The following ARHGEF33 variants were observed in gnomAD, a reference collection of about 807,000 sequenced individuals.
ARHGEF33 encodes Rho guanine nucleotide exchange factor 33.
Under a neutral mutation model 101.9 loss-of-function variants are expected in ARHGEF33, and 72 were observed. The observed-to-expected ratio is 0.71, with a 90% CI of 0.58 to 0.86. The LOEUF is 0.86. Ranked by LOEUF, ARHGEF33 falls within the 40% of genes least tolerant of loss-of-function variation. The probability of loss-of-function intolerance (pLI) is 0.00; values close to 1 mark genes in which losing one functional copy is unlikely to be tolerated. For synonymous variants in ARHGEF33, 499 were observed against 442.5 expected, an observed-to-expected ratio of 1.13 and a Z score of -1.60; for missense variants, 1,169 against 1,111.3, an observed-to-expected ratio of 1.05 and a Z score of -0.74.
intron 10 of ARHGEF33, among the ~76,000 whole-genome samples, chr2:38,947,663 T>G (rs1199017351): frequency 6.6e-6 from 1 of 152,184 alleles, no homozygotes; most frequent in Non-Finnish European, 1.5e-5. Context: ...GTTCTGGGCT[T>G]TTTGGCTCTG....
rs552203261 is a variant in ARHGEF33 at position 38,900,902 on chromosome 2, C to T, written c.-86+5053C>T. On this transcript the variant is annotated intron_variant, in intron 2 of 17. Coordinates refer to ENST00000409978, the MANE Select transcript of ARHGEF33 (RefSeq NM_001145451.5). ...GAGGAAGGGTGGAAGAGGAGGCTCC[C>T]GAGAGCAGTACTCAGCTTCCTGTCC... is the stretch of plus-strand genomic sequence containing the variant. Among the ~76,000 whole-genome samples the T allele has an allele frequency of 3.9e-5, 6 of 152,228 alleles. No homozygotes were observed. In the East Asian group the frequency reaches 5.8e-4, roughly 15 times the overall value.
chr2:38,932,709 A>G (rs1047974866), intron 7 of ARHGEF33, among the ~76,000 whole-genome samples: 3 of 152,242 alleles, frequency 2.0e-5, no homozygotes, highest in Non-Finnish European at 2.9e-5. Context: ...ATCTTTACAA[A>G]GTAAATTTGT....
intron 13 of ARHGEF33, among the ~76,000 whole-genome samples, chr2:38,955,481 C>CT (rs3085350): frequency 0.062 from 4,372 of 70,808 alleles, 1,207 homozygotes; most frequent in African/African-American, 0.24. Context: ...ATTGAAAAGA[C>CT]TTTTTTTTTT....
chr2:38,909,082 C>G (rs540800774), intron 2 of ARHGEF33, among the ~76,000 whole-genome samples: 8 of 152,162 alleles, frequency 5.3e-5, no homozygotes, highest in African/African-American at 1.7e-4. Flanking sequence ...CCGTGTATAC[C>G]CCTTAGTTGC....
Position 38,919,441 on chromosome 2 carries a change from C to T in ARHGEF33, c.-7C>T, listed in dbSNP as rs371189493. The T allele has an allele frequency of 1.5e-5, 23 of 1,551,774 alleles. No homozygotes were observed. Among genetic ancestry groups the T allele is most frequent in the South Asian group, 8.3e-5 (7 of 84,050 alleles). ...GAATAAGCTGGAGAAGAGAAGTAAC[C>T]GGCACTATGGAAAAAACCAAAACAA... On this transcript the variant is annotated 5_prime_UTR_variant, in exon 3 of 18. Transcript: ENST00000409978.
rs981305655 is a variant in ARHGEF33, at chr2:38,975,438, A to C, written c.*1595A>C. 1 of 152,240 alleles carries C rather than the reference A, an allele frequency of 6.6e-6. No homozygotes were observed. Among genetic ancestry groups the C allele is most frequent in the Non-Finnish European group, 1.5e-5 (1 of 68,044 alleles). 9.4% of individuals were successfully genotyped at this position (152,240 alleles called of 1,614,324 possible). A position where few individuals can be genotyped will look rare whatever the true frequency, so the allele number is the denominator to read the frequency against. On this transcript the variant is annotated 3_prime_UTR_variant, in exon 18 of 18. Transcript: ENST00000409978. The stretch of plus-strand genomic sequence containing the variant: ...CAGAAGTCACAATCTATTAAATAAA[A>C]TGTTAACATAATAAAATTCTTTTCC...
chr2:38,912,354 T>C (rs1666527884), intron 2 of ARHGEF33, among the ~76,000 whole-genome samples: 1 of 152,202 alleles, frequency 6.6e-6, no homozygotes, highest in African/African-American at 2.4e-5. Flanking sequence ...CAGTACAAAA[T>C]GAAGAGCAGA....
At chr2:38,954,651 T>G (rs549878148) in intron 13 of ARHGEF33, among the ~76,000 whole-genome samples, 195 bp downstream of exon 13, 294 of 97,766 alleles carry the variant, frequency 3.0e-3, no homozygotes, top group African/African-American at 0.01. Flanking sequence ...TTTTTTTTTT[T>G]GAGACAGAGT....
intron 16 of ARHGEF33, among the ~76,000 whole-genome samples, chr2:38,965,772 C>T (rs975092762): frequency 6.6e-6 from 1 of 152,148 alleles, no homozygotes; most frequent in Non-Finnish European, 1.5e-5. Flanking sequence ...TTATATATTA[C>T]ACTAGACTAT....
intron 10 of ARHGEF33, among the ~76,000 whole-genome samples, chr2:38,945,213 C>G (rs2124404118): frequency 6.6e-6 from 1 of 152,222 alleles, no homozygotes; most frequent in South Asian, 2.1e-4. Flanking sequence ...TCTGAATCTA[C>G]CCAGGGAAGC....
chr2:38,958,283 T>G, intron 15 of ARHGEF33, 85 bp downstream of exon 15: 2 of 1,482,116 alleles, frequency 1.3e-6, no homozygotes, highest in Non-Finnish European at 1.8e-6. Context: ...CAGCCTAGAT[T>G]CCTCCATCCC....
At chr2:38,956,387 T>A (rs1250610128) in intron 13 of ARHGEF33, among the ~76,000 whole-genome samples, 2 of 152,234 alleles carry the variant, frequency 1.3e-5, no homozygotes, top group Admixed American at 1.3e-4. Context: ...ATAAAGGGCT[T>A]ACTACCTGGC....
intron 1 of ARHGEF33, among the ~76,000 whole-genome samples, chr2:38,894,928 T>G (rs1218865180): frequency 6.6e-6 from 1 of 151,926 alleles, no homozygotes; most frequent in Non-Finnish European, 1.5e-5. Flanking sequence ...AGTACAGCAT[T>G]ATGTACAAAA....
intron 9 of ARHGEF33, among the ~76,000 whole-genome samples, chr2:38,942,997 A>G (rs2124401116): frequency 6.6e-6 from 1 of 152,268 alleles, no homozygotes; most frequent in East Asian, 1.9e-4. Context: ...GCGTCATCTC[A>G]GCTCACTGCA....
chr2:38,913,760 CTCTG>C (rs1319294102), intron 2 of ARHGEF33, among the ~76,000 whole-genome samples: 3 of 150,620 alleles, frequency 2.0e-5, no homozygotes, highest in Non-Finnish European at 4.4e-5. Context: ...CAGAGTAAGA[CTCTG>C]TCTCAGAAAA....
At chr2:38,901,507 T>C (rs1449061118) in intron 2 of ARHGEF33, among the ~76,000 whole-genome samples, 2 of 152,194 alleles carry the variant, frequency 1.3e-5, no homozygotes, top group Admixed American at 1.3e-4. Context: ...CTTCAGACCT[T>C]GGAAGCTAAC....
intron 11 of ARHGEF33, among the ~76,000 whole-genome samples, chr2:38,951,753 T>C (rs1379165680): frequency 1.3e-5 from 2 of 151,950 alleles, no homozygotes; most frequent in Non-Finnish European, 2.9e-5. Context: ...CATATATATA[T>C]ACACATGAGA....
rs1444834432 is a variant in ARHGEF33, at chr2:38,953,253, A to T, written c.1137+8A>T. 8 of 1,461,118 alleles carry T rather than the reference A, an allele frequency of 5.5e-6. No individual in the cohort carries two copies. The highest frequency in any genetic ancestry group is 6.6e-6 in the Non-Finnish European group (7 of 1,063,908). The allele number at this position is 1,461,118 out of a possible 1,614,324, so 90.5% of individuals were successfully genotyped here. A position where few individuals can be genotyped will look rare whatever the true frequency, so the allele number is the denominator to read the frequency against. On this transcript the variant is annotated splice_region_variant and intron_variant, in intron 12 of 17. Coordinates refer to ENST00000409978, the MANE Select transcript of ARHGEF33 (RefSeq NM_001145451.5). ...GTTGTAGTCCTGAAAGAGGTGAGTT[A>T]ACGCCATATATATGCTATCCTTCAT...
At chr2:38,918,490 G>A (rs1475004825) in intron 2 of ARHGEF33, among the ~76,000 whole-genome samples, 1 of 152,164 alleles carries the variant, frequency 6.6e-6, no homozygotes, top group African/African-American at 2.4e-5. Context: ...TCAAACTTAA[G>A]AAGGGGTTAA....
Sources: allele counts gnomAD v4.1 joint callset (sites outside exome capture counted in the v4.1 genomes callset), GRCh38; gene constraint gnomAD v4.1.1; transcripts MANE v1.5; gene names NCBI Gene and HGNC (gene_info 2026-07-23, HGNC 2026-07-21).